HRH1: variants seen among roughly 807,000 people sequenced by gnomAD.
The protein encoded by HRH1 is histamine H1 receptor.
Under a neutral mutation model 10.3 loss-of-function variants are expected in HRH1, and 6 were observed. The observed-to-expected ratio is 0.58, with a 90% CI of 0.32 to 1.15. HRH1 has a LOEUF of 1.15. HRH1 is among the 50% of genes most tolerant of loss of function. The pLI is 0.05. For missense variants in HRH1, 514 were observed against 615.3 expected, an observed-to-expected ratio of 0.84 and a Z score of 1.74; for synonymous variants, 242 against 236.7, an observed-to-expected ratio of 1.02 and a Z score of -0.21.
At chr3:11,213,140 G>A (rs1938382128) in intron 1 of HRH1, among the ~76,000 whole-genome samples, 1 of 152,156 alleles carries the variant, frequency 6.6e-6, no homozygotes, top group Non-Finnish European at 1.5e-5. Context: ...TTATTGACTT[G>A]TATTTTTCTT....
intron 1 of HRH1, among the ~76,000 whole-genome samples, chr3:11,255,510 C>T (rs1375274260): frequency 6.6e-6 from 1 of 152,192 alleles, no homozygotes; most frequent in East Asian, 1.9e-4. Context: ...AGATAGGTCT[C>T]AGTTAATTTG....
chr3:11,192,858 A>G (rs965848644), intron 1 of HRH1, among the ~76,000 whole-genome samples: 2 of 152,122 alleles, frequency 1.3e-5, no homozygotes, highest in African/African-American at 4.8e-5. Flanking sequence ...CCCTTCATCC[A>G]TCAGAGCTGG....
At position 11,260,782 on chromosome 3, in the gene HRH1, A is replaced by ATTTTTT; in HGVS notation, c.*281_*282insTTTTTT. The ATTTTTT allele has an allele frequency of 2.6e-6, 1 of 379,562 alleles. No homozygotes were observed. Among genetic ancestry groups the ATTTTTT allele is most frequent in the Admixed American group, 4.2e-5 (1 of 23,592 alleles). 23.5% of individuals were successfully genotyped at this position (379,562 alleles called of 1,614,324 possible). ...TCAAAAAGAAAAAAATAATAAAAAT[A>ATTTTTT]AAAGAGAGAGAGAATCAGACCTGGG... On this transcript the variant is annotated 3_prime_UTR_variant, in exon 2 of 2. Transcript: ENST00000431010.
chr3:11,191,776 G>C (rs546956539), intron 1 of HRH1, among the ~76,000 whole-genome samples: 1 of 152,290 alleles, frequency 6.6e-6, no homozygotes, highest in South Asian at 2.1e-4. Context: ...TTGGCGTGTA[G>C]GGAGATAATT....
rs866429299 is a variant in HRH1 at position 11,213,284 on chromosome 3, A to G, written c.-35-45719A>G. Among the ~76,000 whole-genome samples, 2 of 152,212 alleles carry G rather than the reference A, an allele frequency of 1.3e-5. 1 individual carries two copies. The highest frequency in any genetic ancestry group is 4.8e-5 in the African/African-American group (2 of 41,456). Reference sequence around the variant, plus strand: ...TTAATAAATAAGTAAAGATTGGTTGATTGAACGAATTAATGAATTCATTAA... The same window carrying G: ...TTAATAAATAAGTAAAGATTGGTTGGTTGAACGAATTAATGAATTCATTAA... On this transcript the variant is annotated intron_variant, in intron 1 of 1. Coordinates refer to ENST00000431010, the MANE Select transcript of HRH1 (RefSeq NM_001098212.2).
At position 11,248,132 on chromosome 3, in the gene HRH1, G is replaced by A. The variant is rs73812411; in HGVS notation, c.-35-10871G>A. Reference sequence around the variant, plus strand: ...AAAAGTACAACATTGGACTCCAATCGTGACACAAACTCCGCCTTTTTCAGC... The same window carrying A: ...AAAAGTACAACATTGGACTCCAATCATGACACAAACTCCGCCTTTTTCAGC... On this transcript the variant is annotated intron_variant, in intron 1 of 1. Coordinates refer to ENST00000431010, the MANE Select transcript of HRH1 (RefSeq NM_001098212.2). Among the ~76,000 whole-genome samples the A allele has an allele frequency of 2.5e-3, 386 of 152,316 alleles. 2 individuals carry two copies. The highest frequency in any genetic ancestry group is 8.8e-3 in the African/African-American group (366 of 41,562).
At chr3:11,186,467 A>G (rs576579450) in intron 1 of HRH1, among the ~76,000 whole-genome samples, 1 of 152,216 alleles carries the variant, frequency 6.6e-6, no homozygotes, top group South Asian at 2.1e-4. Context: ...ACCATTTTGC[A>G]GAAGTGAAAA....
chr3:11,223,008 AACCCCACCTC>A (rs1938758651), intron 1 of HRH1, among the ~76,000 whole-genome samples: 1 of 151,810 alleles, frequency 6.6e-6, no homozygotes, highest in Non-Finnish European at 1.5e-5. Context: ...AACATGGTGA[AACCCCACCTC>A]TACTAAAAAT....
Position 11,236,745 on chromosome 3 carries a change from A to G in HRH1, c.-35-22258A>G, listed in dbSNP as rs115450680. 3.8e-3 allele frequency among the ~76,000 whole-genome samples: 585 copies of G among 152,354 alleles called. 3 individuals are homozygous for G. The highest frequency in any genetic ancestry group is 0.013 in the African/African-American group (558 of 41,588). ...ATATAAATATATAAATAACCCCTGT[A>G]TATAAATACCCTGGCCCCAGAACCA... On this transcript the variant is annotated intron_variant, in intron 1 of 1. Transcript: ENST00000431010.
chr3:11,234,135 T>C, intron 1 of HRH1: 1 of 637,136 alleles, frequency 1.6e-6, no homozygotes, highest in Non-Finnish European at 2.7e-6. Context: ...TAAGTTATTT[T>C]GTATATTACA....
chr3:11,212,775 G>T lies in HRH1; in HGVS notation c.-35-46228G>T, dbSNP rs375757552. ...GGGTTCTGGGAGTTGTCCTTTAGTG[G>T]CTCCCTGTTTCATCAAAGTCAAAAC... is the stretch of plus-strand genomic sequence containing the variant. On this transcript the variant is annotated intron_variant, in intron 1 of 1. Transcript: ENST00000431010. Among the ~76,000 whole-genome samples, 20 of 152,252 alleles carry T rather than the reference G, an allele frequency of 1.3e-4. No individual in the cohort carries two copies. The East Asian group carries it at 1.7e-3, about 13-fold the overall frequency.
chr3:11,214,699 C>G (rs900006167), intron 1 of HRH1, among the ~76,000 whole-genome samples: 1 of 152,208 alleles, frequency 6.6e-6, no homozygotes, highest in Non-Finnish European at 1.5e-5. Context: ...ACTTTAGACA[C>G]TTTGTATATG....
At chr3:11,258,793 A>G (rs2152590017) in intron 1 of HRH1, among the ~76,000 whole-genome samples, 1 of 152,336 alleles carries the variant, frequency 6.6e-6, no homozygotes, top group South Asian at 2.1e-4. Context: ...TATTCTCAAC[A>G]CCTAGAAGAG....
At chr3:11,150,170 G>T (rs191160351), upstream of HRH1, among the ~76,000 whole-genome samples, 14 of 152,326 alleles carry the variant, frequency 9.2e-5, no homozygotes, top group Non-Finnish European at 1.5e-5. Context: ...ATACAAATTT[G>T]CTAAAGAAAT....
chr3:11,181,824 G>C (rs566327008), intron 1 of HRH1, among the ~76,000 whole-genome samples: 12 of 151,974 alleles, frequency 7.9e-5, no homozygotes, highest in Admixed American at 7.9e-4. Flanking sequence ...GTAGAGACAG[G>C]GTTTCACCAT....
At chr3:11,196,305 T>C (rs183808653) in intron 1 of HRH1, among the ~76,000 whole-genome samples, 144 of 152,294 alleles carry the variant, frequency 9.5e-4, no homozygotes, top group African/African-American at 3.0e-3. Context: ...TGGAGCACCC[T>C]TTCCTCCCTC....
chr3:11,231,883 C>G (rs2125044409), intron 1 of HRH1, among the ~76,000 whole-genome samples: 1 of 152,018 alleles, frequency 6.6e-6, no homozygotes, highest in South Asian at 2.1e-4. Context: ...AGTCACAAGT[C>G]TAATAACGTT....
At chr3:11,221,794 T>C (rs1353666584) in intron 1 of HRH1, among the ~76,000 whole-genome samples, 1 of 152,120 alleles carries the variant, frequency 6.6e-6, no homozygotes, top group African/African-American at 2.4e-5. Context: ...CCACTTTTTA[T>C]CTCTATGAAT....
chr3:11,200,616 G>A (rs565004943), intron 1 of HRH1, among the ~76,000 whole-genome samples: 3 of 152,290 alleles, frequency 2.0e-5, no homozygotes, highest in Non-Finnish European at 2.9e-5. Flanking sequence ...GGAACTATGT[G>A]CTGTTCATTT....
Sources: gnomAD v4.1 joint callset for allele counts (sites outside exome capture counted in the v4.1 genomes callset) on GRCh38, gnomAD v4.1.1 for gene constraint, MANE v1.5 for transcripts, NCBI Gene and HGNC (gene_info 2026-07-23, HGNC 2026-07-21) for gene names.